The following KBTBD11 variants were observed in gnomAD, a reference collection of about 807,000 sequenced individuals.
KBTBD11 encodes kelch repeat and BTB domain containing 11, also known as kelch repeat and BTB domain-containing protein 11.
For synonymous variants in KBTBD11, 747 were observed against 499.0 expected (o/e 1.50, Z -6.63); for missense variants, 1,390 against 1,001.8 (o/e 1.39, Z -5.23).
chr8:1,991,812 C>T (rs149307494), intron 1 of KBTBD11, among the ~76,000 whole-genome samples: 15 of 152,086 alleles, frequency 9.9e-5, no homozygotes, highest in African/African-American at 3.4e-4. Context: ...GAGCAAATTG[C>T]CTGGGCTCTT....
chr8:1,980,975 A>G (rs1271919644), intron 1 of KBTBD11, among the ~76,000 whole-genome samples: 8 of 152,160 alleles, frequency 5.3e-5, no homozygotes, highest in Admixed American at 2.6e-4. Flanking sequence ...CTTGTTTCAT[A>G]TGTCTGGCAT....
Position 2,002,387 on chromosome 8 carries a change from C to G in KBTBD11, c.1195C>G (p.Arg399Gly). The G allele has an allele frequency of 2.7e-6, 4 of 1,479,940 alleles. No individual in the cohort carries two copies. Among genetic ancestry groups the G allele is most frequent in the Non-Finnish European group, 3.6e-6 (4 of 1,121,498 alleles). 91.7% of individuals were successfully genotyped at this position (1,479,940 alleles called of 1,614,324 possible). The change falls in exon 2 of 2, where the codon CGC (arginine) becomes GGC (glycine). Residue 399 changes from arginine to glycine, a missense_variant. Coordinates refer to ENST00000320248, the MANE Select transcript of KBTBD11 (RefSeq NM_014867.3). The surrounding 1 kb of genome is among the most constrained non-coding windows in gnomAD (Gnocchi z 4.1). The stretch of plus-strand genomic sequence containing the variant: ...CAGCTGGAGCGCCGTGAGGCCCCTG[C>G]GCCAGGCGCGCTCGCAGCTGCGGCT... Reference protein sequence around the residue: ...TDSWSAVRPLRQARSQLRLLA... With the variant: ...TDSWSAVRPLGQARSQLRLLA...
chr8:1,977,864 A>G (rs1184976170), intron 1 of KBTBD11, among the ~76,000 whole-genome samples: 1 of 152,136 alleles, frequency 6.6e-6, no homozygotes, highest in African/African-American at 2.4e-5. Context: ...AAATTCTTAC[A>G]ATAGTGGGCC....
At position 2,003,276 on chromosome 8, in the gene KBTBD11, C is replaced by A; in HGVS notation, c.*212C>A. ...CTTCTGGGGGTGGATGCCTTGAGAC[C>A]CAGGAGGTGTGCGGATGGGTCCCTT... is the stretch of plus-strand genomic sequence containing the variant. On this transcript the variant is annotated 3_prime_UTR_variant, in exon 2 of 2. Transcript: ENST00000320248. 2 of 702,018 alleles carry A rather than the reference C, an allele frequency of 2.8e-6. No individual in the cohort carries two copies. The highest frequency in any genetic ancestry group is 4.0e-6 in the Non-Finnish European group (2 of 495,624). The allele number at this position is 702,018 out of a possible 1,614,324, so 43.5% of individuals were successfully genotyped here. A position where few individuals can be genotyped will look rare whatever the true frequency, so the allele number is the denominator to read the frequency against.
chr8:1,979,194 A>T (rs1472348544), intron 1 of KBTBD11, among the ~76,000 whole-genome samples: 1 of 152,162 alleles, frequency 6.6e-6, no homozygotes. Context: ...ATAGCCAGGG[A>T]AGTGCTGGCA....
intron 1 of KBTBD11, among the ~76,000 whole-genome samples, chr8:1,999,801 G>A (rs1361273100): frequency 6.6e-6 from 1 of 152,194 alleles, no homozygotes; most frequent in Non-Finnish European, 1.5e-5. Context: ...GTAACCGAAT[G>A]TGAAATAATT....
Position 2,002,423 on chromosome 8 carries a change from G to A in KBTBD11, c.1231G>A (p.Asp411Asn). Residue 411 changes from aspartate to asparagine, a missense_variant, in exon 2 of 2, where the codon GAC (aspartate) becomes AAC (asparagine). By Grantham distance (23) the Asp-to-Asn change is conservative. Transcript: ENST00000320248. The surrounding 1 kb of genome is among the most constrained non-coding windows in gnomAD (Gnocchi z 4.1). ...ARSQLRLLAL[D>N]GHLYAVGGEC... ...CTCGCAGCTGCGGCTGCTGGCCCTG[G>A]ACGGTCACCTCTACGCCGTGGGCGG... 6.7e-7 allele frequency: 1 copy of A among 1,493,680 alleles called. No homozygotes were observed. Among genetic ancestry groups the A allele is most frequent in the East Asian group, 2.8e-5 (1 of 35,678 alleles). The allele number at this position is 1,493,680 out of a possible 1,614,324, so 92.5% of individuals were successfully genotyped here.
At chr8:1,999,917 C>G (rs1212381468) in intron 1 of KBTBD11, among the ~76,000 whole-genome samples, 3 of 152,198 alleles carry the variant, frequency 2.0e-5, no homozygotes, top group Non-Finnish European at 2.9e-5. Context: ...GCTACTTACA[C>G]TTTTTATGTT....
In KBTBD11 at chr8:2,001,053, C is replaced by T; in HGVS notation, c.-140C>T. On this transcript the variant is annotated 5_prime_UTR_variant, in exon 2 of 2. Transcript: ENST00000320248. Reference sequence around the variant, plus strand: ...CCCCTTCACACACACAACAACAAAGCGTGGACACACAGAAGTGAAATCTGA... The same window carrying T: ...CCCCTTCACACACACAACAACAAAGTGTGGACACACAGAAGTGAAATCTGA... 4.4e-6 allele frequency: 5 copies of T among 1,130,638 alleles called. No individual in the cohort carries two copies. The East Asian group carries it at 1.3e-4, about 29-fold the overall frequency. 70.0% of individuals were successfully genotyped at this position (1,130,638 alleles called of 1,614,324 possible).
chr8:1,973,933 G>A lies in KBTBD11; in HGVS notation c.-911G>A, dbSNP rs1816212608. 1 of 982,832 alleles carries A rather than the reference G, an allele frequency of 1.0e-6. No homozygotes were observed. Among genetic ancestry groups the A allele is most frequent in the South Asian group, 4.7e-5 (1 of 21,286 alleles). 60.9% of individuals were successfully genotyped at this position (982,832 alleles called of 1,614,324 possible). A position where few individuals can be genotyped will look rare whatever the true frequency, so the allele number is the denominator to read the frequency against. On this transcript the variant is annotated splice_region_variant and 5_prime_UTR_variant, in exon 1 of 2. Coordinates refer to ENST00000320248, the MANE Select transcript of KBTBD11 (RefSeq NM_014867.3). ...CCGGCGGCTGAAGAGGAGCCGCGGC[G>A]AGGTAGGGCGGACCCCGGGGAGGCA...
At chr8:1,999,608 C>T (rs1284010723) in intron 1 of KBTBD11, among the ~76,000 whole-genome samples, 3 of 152,198 alleles carry the variant, frequency 2.0e-5, no homozygotes, top group Admixed American at 6.5e-5. Context: ...TCAGTCTTTT[C>T]GCTTTGATTT....
rs1817320344 is a variant in KBTBD11, at chr8:2,000,975, T to C, written c.-218T>C. 2.0e-6 allele frequency: 1 copy of C among 501,296 alleles called. No homozygotes were observed. The highest frequency in any genetic ancestry group is 4.4e-5 in the Admixed American group (1 of 22,742). 31.1% of individuals were successfully genotyped at this position (501,296 alleles called of 1,614,324 possible). A position where few individuals can be genotyped will look rare whatever the true frequency, so the allele number is the denominator to read the frequency against. On this transcript the variant is annotated 5_prime_UTR_variant, in exon 2 of 2. Transcript: ENST00000320248. Reference sequence around the variant, plus strand: ...TTCAGCAAGTCGGACACACCCCTCCTCGCTGGAGAGGAGAGGGCAAAGGCG... The same window carrying C: ...TTCAGCAAGTCGGACACACCCCTCCCCGCTGGAGAGGAGAGGGCAAAGGCG...
rs1816916997 is a variant in KBTBD11 at position 1,991,539 on chromosome 8, A to AT, written c.-908-8746_-908-8745insT. The stretch of plus-strand genomic sequence containing the variant: ...AGATAATGAGCTTTCCCTCGATTCC[A>AT]GCTCTGTGATCCATGAGGGCAGGGC... On this transcript the variant is annotated intron_variant, in intron 1 of 1. Coordinates refer to ENST00000320248, the MANE Select transcript of KBTBD11 (RefSeq NM_014867.3). Among the ~76,000 whole-genome samples the AT allele has an allele frequency of 2.1e-3, 319 of 152,066 alleles. 4 individuals carry two copies. Among genetic ancestry groups the AT allele is most frequent in the African/African-American group, 7.3e-3 (301 of 41,348 alleles).
chr8:1,974,225 C>CGCGTGGGGG (rs1167841216), intron 1 of KBTBD11: 2 of 903,890 alleles, frequency 2.2e-6, no homozygotes, highest in Non-Finnish European at 2.6e-6. Context: ...TCCGGGAGGC[C>CGCGTGGGGG]GCGTGGGGGG....
At chr8:1,984,150 C>A (rs906374531) in intron 1 of KBTBD11, among the ~76,000 whole-genome samples, 1 of 151,684 alleles carries the variant, frequency 6.6e-6, no homozygotes, top group Non-Finnish European at 1.5e-5. Context: ...AAAAGAGTCA[C>A]ACGTGGGCCA....
At chr8:1,984,034 G>A (rs754753700) in intron 1 of KBTBD11, among the ~76,000 whole-genome samples, 112 of 152,334 alleles carry the variant, frequency 7.4e-4, no homozygotes, top group Non-Finnish European at 1.4e-3. Context: ...GGAGGCTGAA[G>A]CAGGAGAATC....
In KBTBD11 at chr8:2,002,190, C is replaced by T. The variant is rs1219031485; in HGVS notation, c.998C>T (p.Ala333Val). ...GCGGCCGTCTACTGCTTCCACGCGG[C>T]GGCCGGAGAGTGGCGCGAGCTGACG... ...GDAAVYCFHA[A>V]AGEWRELTRL... Residue 333 changes from alanine to valine, a missense_variant, in exon 2 of 2, where the codon GCG becomes GTG. Transcript: ENST00000320248. The surrounding 1 kb of genome is among the most constrained non-coding windows in gnomAD (Gnocchi z 4.1). The T allele has an allele frequency of 1.3e-5, 16 of 1,248,606 alleles. No individual in the cohort carries two copies. The highest frequency in any genetic ancestry group is 1.5e-5 in the Non-Finnish European group (15 of 999,186). The allele number at this position is 1,248,606 out of a possible 1,614,324, so 77.3% of individuals were successfully genotyped here. A position where few individuals can be genotyped will look rare whatever the true frequency, so the allele number is the denominator to read the frequency against.
At chr8:1,999,884 T>C (rs1183472679) in intron 1 of KBTBD11, among the ~76,000 whole-genome samples, 2 of 152,244 alleles carry the variant, frequency 1.3e-5, no homozygotes, top group African/African-American at 4.8e-5. Flanking sequence ...AGTCATGCTT[T>C]CTCACTAAAA....
chr8:2,001,589 T>A lies in KBTBD11; in HGVS notation c.397T>A (p.Phe133Ile), dbSNP rs1242318389. 1 of 1,461,162 alleles carries A rather than the reference T, an allele frequency of 6.8e-7. No individual in the cohort carries two copies. Among genetic ancestry groups the A allele is most frequent in the Non-Finnish European group, 9.0e-7 (1 of 1,112,004 alleles). 90.5% of individuals were successfully genotyped at this position (1,461,162 alleles called of 1,614,324 possible). Reference protein sequence around the residue: ...PGEPAPVPPGFGAVYGEPDLV... With the variant: ...PGEPAPVPPGIGAVYGEPDLV... ...GGAGCCCGCGCCCGTACCCCCGGGGTTCGGGGCGGTGTACGGGGAGCCGGA... is the reference window on the plus strand; with the variant it reads ...GGAGCCCGCGCCCGTACCCCCGGGGATCGGGGCGGTGTACGGGGAGCCGGA... The change falls in exon 2 of 2, where the codon TTC becomes ATC. Residue 133 changes from phenylalanine (F) to isoleucine (I), a missense_variant. Coordinates refer to ENST00000320248, the MANE Select transcript of KBTBD11 (RefSeq NM_014867.3).
Sources: allele counts gnomAD v4.1 joint callset (sites outside exome capture counted in the v4.1 genomes callset), GRCh38; gene constraint gnomAD v4.1.1; non-coding constraint Gnocchi (gnomAD v3.1); transcripts MANE v1.5; gene names NCBI Gene and HGNC (gene_info 2026-07-23, HGNC 2026-07-21).